Variants in SEL1L2 observed in about 807,000 individuals in gnomAD.
SEL1L2 encodes the protein protein sel-1 homolog 2.
Under a neutral mutation model 98.8 loss-of-function variants are expected in SEL1L2, and 89 were observed. The ratio of observed to expected loss-of-function variants is 0.90; its 90% CI spans 0.76 to 1.07. The LOEUF is 1.07. Ranked by LOEUF, SEL1L2 falls within the 50% of genes least tolerant of loss-of-function variation. SEL1L2 has a pLI of 0.00. For missense variants in SEL1L2, 788 were observed against 812.0 expected (o/e 0.97, Z 0.36); for synonymous variants, 262 against 278.5 (o/e 0.94, Z 0.59).
At chr20:13,878,591 A>C (rs745320255) in intron 10 of SEL1L2, among the ~76,000 whole-genome samples, 6 of 152,196 alleles carry the variant, frequency 3.9e-5, no homozygotes, top group Non-Finnish European at 5.9e-5. Flanking sequence ...TTAAGGAAGA[A>C]CTGCTGGTAG....
At chr20:13,944,228 G>GA (rs1250515001) in intron 2 of SEL1L2, among the ~76,000 whole-genome samples, 1 of 152,198 alleles carries the variant, frequency 6.6e-6, no homozygotes, top group Non-Finnish European at 1.5e-5. Flanking sequence ...AGAGCTCAGA[G>GA]AAACAGCAAA....
chr20:13,984,230 T>G (rs372635747), intron 1 of SEL1L2, among the ~76,000 whole-genome samples: 97 of 152,190 alleles, frequency 6.4e-4, no homozygotes, highest in African/African-American at 2.3e-3. Flanking sequence ...CAGGCTTGTC[T>G]CGAACTCCTG....
At chr20:13,926,206 T>C (rs567433989) in intron 3 of SEL1L2, among the ~76,000 whole-genome samples, 1 of 152,084 alleles carries the variant, frequency 6.6e-6, no homozygotes, top group Non-Finnish European at 1.5e-5. Context: ...TCCCAGCTAC[T>C]CAGGAGGCTG....
At chr20:13,889,493 A>AAT (rs1256852469) in intron 5 of SEL1L2, among the ~76,000 whole-genome samples, 3 of 152,082 alleles carry the variant, frequency 2.0e-5, no homozygotes, top group Non-Finnish European at 2.9e-5. Flanking sequence ...TTTTTCCTTC[A>AAT]ATATTTAAAA....
upstream of SEL1L2, among the ~76,000 whole-genome samples, chr20:13,993,255 G>T (rs529767966): frequency 1.3e-5 from 2 of 152,198 alleles, no homozygotes; most frequent in Non-Finnish European, 2.9e-5. Context: ...ATAAAATTGC[G>T]TAGGTATAGC....
chr20:13,968,788 GC>G (rs941969985), intron 1 of SEL1L2, among the ~76,000 whole-genome samples: 2 of 152,328 alleles, frequency 1.3e-5, no homozygotes, highest in African/African-American at 4.8e-5. Flanking sequence ...TAGGGAGAGA[GC>G]TAGAGAGGTG....
intron 2 of SEL1L2, among the ~76,000 whole-genome samples, chr20:13,938,869 C>T (rs1298265847): frequency 6.6e-6 from 1 of 151,896 alleles, no homozygotes; most frequent in Admixed American, 6.6e-5. Context: ...TGTTTAAATA[C>T]ATTTTTCTGT....
At position 13,865,521 on chromosome 20, in the gene SEL1L2, A is replaced by C. The variant is rs368629867; in HGVS notation, c.1405-7T>G. On this transcript the variant is annotated splice_region_variant and splice_polypyrimidine_tract_variant and intron_variant, in intron 15 of 19. Coordinates refer to ENST00000284951, the MANE Select transcript of SEL1L2 (RefSeq NM_025229.2). Reference sequence around the variant, plus strand: ...CACAGACACCTTTATAAAGCTGTACATGAGAGGAGAAATCAAGGAGACTAG... The same window carrying C: ...CACAGACACCTTTATAAAGCTGTACCTGAGAGGAGAAATCAAGGAGACTAG... The C allele has an allele frequency of 4.4e-6, 7 of 1,607,364 alleles. No homozygotes were observed. In the South Asian group the frequency reaches 7.8e-5, roughly 18 times the overall value.
At chr20:13,988,924 A>G (rs1353608542) in intron 1 of SEL1L2, among the ~76,000 whole-genome samples, 1 of 152,134 alleles carries the variant, frequency 6.6e-6, no homozygotes, top group African/African-American at 2.4e-5. Flanking sequence ...GAGGCAGGAG[A>G]ACGGCTTGAA....
intron 5 of SEL1L2, among the ~76,000 whole-genome samples, chr20:13,893,295 T>C (rs1229216070): frequency 6.6e-6 from 1 of 152,090 alleles, no homozygotes; most frequent in Non-Finnish European, 1.5e-5. Flanking sequence ...AAGTTCCCCC[T>C]TTTCCTCCAC....
chr20:13,943,421 T>C (rs1186532090), intron 2 of SEL1L2, among the ~76,000 whole-genome samples: 1 of 151,690 alleles, frequency 6.6e-6, no homozygotes, highest in Admixed American at 6.6e-5. Context: ...TAGTTAAACA[T>C]ATAGCCATGT....
chr20:13,930,289 G>A (rs2049087188), intron 3 of SEL1L2, among the ~76,000 whole-genome samples: 1 of 152,178 alleles, frequency 6.6e-6, no homozygotes, highest in African/African-American at 2.4e-5. Flanking sequence ...CTCAATCCGG[G>A]TCTCTGCAGG....
At chr20:13,978,647 A>T (rs2051660525) in intron 1 of SEL1L2, among the ~76,000 whole-genome samples, 1 of 152,360 alleles carries the variant, frequency 6.6e-6, no homozygotes, top group African/African-American at 2.4e-5. Flanking sequence ...TAACCAAGAT[A>T]TGAAGTCAAC....
At chr20:13,980,589 C>A (rs1286263779) in intron 1 of SEL1L2, among the ~76,000 whole-genome samples, 1 of 152,148 alleles carries the variant, frequency 6.6e-6, no homozygotes. Context: ...GATAGAGATT[C>A]TTCAAAGAAA....
chr20:13,965,023 C>T (rs1427655356), intron 1 of SEL1L2, among the ~76,000 whole-genome samples: 1 of 152,108 alleles, frequency 6.6e-6, no homozygotes, highest in East Asian at 1.9e-4. Context: ...TTGTATTTCT[C>T]AGTGCTCAGT....
chr20:13,888,609 T>A, intron 5 of SEL1L2, 97 bp from the exon 6 acceptor site: 1 of 562,126 alleles, frequency 1.8e-6, no homozygotes, highest in Non-Finnish European at 3.1e-6. Context: ...TTCATAATAA[T>A]TTGCATTGTT....
At chr20:13,855,488 G>A (rs999392640) in intron 18 of SEL1L2, among the ~76,000 whole-genome samples, 4 of 152,204 alleles carry the variant, frequency 2.6e-5, no homozygotes, top group African/African-American at 9.7e-5. Flanking sequence ...TGACCTGTCA[G>A]TGCTTTGTTA....
chr20:13,937,187 C>A (rs1274482536), intron 2 of SEL1L2, among the ~76,000 whole-genome samples: 1 of 152,234 alleles, frequency 6.6e-6, no homozygotes, highest in Non-Finnish European at 1.5e-5. Context: ...CTCAGTATCA[C>A]TGTGACCCAC....
chr20:13,964,577 G>A (rs2260804), intron 1 of SEL1L2, among the ~76,000 whole-genome samples: 32,516 of 149,854 alleles, frequency 0.22, 4,013 homozygotes, highest in African/African-American at 0.34. Flanking sequence ...CTCAGCCTCC[G>A]GAGTAGCTGG....
Sources: allele counts gnomAD v4.1 joint callset (sites outside exome capture counted in the v4.1 genomes callset), GRCh38; gene constraint gnomAD v4.1.1; transcripts MANE v1.5; gene names NCBI Gene and HGNC (gene_info 2026-07-23, HGNC 2026-07-21).